The following PALLD variants were observed in gnomAD, a reference collection of about 807,000 sequenced individuals.
PALLD encodes the protein palladin.
In PALLD, 61 loss-of-function variants were observed where a neutral mutation model predicts 123.5. That is an observed-to-expected ratio of 0.49 (90% CI 0.40 to 0.61). The LOEUF is 0.61. Ranked by LOEUF, PALLD falls within the 20% of genes least tolerant of loss-of-function variation. The probability of loss-of-function intolerance (pLI) is 0.00; values close to 1 mark genes in which losing one functional copy is unlikely to be tolerated. For missense variants in PALLD, 1,273 were observed against 1,377.0 expected (o/e 0.92, Z 1.20); for synonymous variants, 465 against 496.4 (o/e 0.94, Z 0.84).
chr4:168,887,819 G>GAGAA (rs1753575013), intron 10 of PALLD, among the ~76,000 whole-genome samples: 1 of 97,424 alleles, frequency 1.0e-5, no homozygotes. Flanking sequence ...TTTCTTGACT[G>GAGAA]AGGAAGGGAG....
At chr4:168,688,780 A>G (rs1362890335) in intron 6 of PALLD, among the ~76,000 whole-genome samples, 1 of 145,480 alleles carries the variant, frequency 6.9e-6, no homozygotes, top group Non-Finnish European at 1.5e-5. Context: ...TCCGACACTG[A>G]AAAAAAAAAA....
At chr4:168,913,850 T>A in intron 15 of PALLD, 77 bp from the exon 16 acceptor site, 1 of 946,950 alleles carries the variant, frequency 1.1e-6, no homozygotes, top group East Asian at 2.4e-5. Flanking sequence ...TTATAGAGAA[T>A]AGGACAGTAG....
intron 2 of PALLD, among the ~76,000 whole-genome samples, chr4:168,552,640 T>C (rs140083226): frequency 6.6e-6 from 1 of 152,090 alleles, no homozygotes. Flanking sequence ...ATTTAATATG[T>C]GGGTTTTTTG....
At chr4:168,560,599 A>T (rs918967506) in intron 2 of PALLD, among the ~76,000 whole-genome samples, 6 of 152,248 alleles carry the variant, frequency 3.9e-5, no homozygotes, top group African/African-American at 1.4e-4. Flanking sequence ...AGTGATTCAT[A>T]GCACTTTCCC....
intron 2 of PALLD, among the ~76,000 whole-genome samples, chr4:168,609,732 C>T (rs896278383): frequency 1.2e-4 from 18 of 152,124 alleles, no homozygotes; most frequent in African/African-American, 2.9e-4. Context: ...GGACCCAAGA[C>T]GCATCTCATA....
intron 9 of PALLD, 118 bp downstream of exon 9, chr4:168,709,265 T>C: frequency 9.6e-7 from 1 of 1,045,112 alleles, no homozygotes; most frequent in Non-Finnish European, 1.4e-6. Flanking sequence ...ATCCCAGCAC[T>C]TTGGGAGGCC....
chr4:168,657,402 C>G (rs1778689875), intron 2 of PALLD, among the ~76,000 whole-genome samples: 1 of 152,162 alleles, frequency 6.6e-6, no homozygotes, highest in Non-Finnish European at 1.5e-5. Context: ...TAGTCTTAGC[C>G]CATTCCTTGC....
chr4:168,918,913 G>A (rs565083771), intron 17 of PALLD, among the ~76,000 whole-genome samples: 5 of 151,984 alleles, frequency 3.3e-5, no homozygotes, highest in Admixed American at 6.5e-5. Flanking sequence ...TTAATTTTAC[G>A]TGTAAAATGG....
chr4:168,908,556 G>A (rs1758285534), intron 15 of PALLD, among the ~76,000 whole-genome samples: 1 of 152,260 alleles, frequency 6.6e-6, no homozygotes, highest in Non-Finnish European at 1.5e-5. Context: ...AGCATAAAGT[G>A]TAGTTGACAG....
chr4:168,538,585 G>T (rs10023820), intron 2 of PALLD, among the ~76,000 whole-genome samples: 53,493 of 151,802 alleles, frequency 0.35, 10,469 homozygotes, highest in African/African-American at 0.53. Context: ...TCTGTGACAG[G>T]TCATTCCAGA....
intron 1 of PALLD, among the ~76,000 whole-genome samples, chr4:168,500,528 T>C (rs985960487): frequency 6.6e-6 from 1 of 152,078 alleles, no homozygotes; most frequent in African/African-American, 2.4e-5. Context: ...CACACTCAGC[T>C]AAGTTTTTGG....
At position 168,632,807 on chromosome 4, in the gene PALLD, A is replaced by G. The variant is rs188270915; in HGVS notation, c.909-35383A>G. Reference sequence around the variant, plus strand: ...ATTATTTAATCCAGAAGTAACCAGCATGACTTTTACAGAGAGAGTTCCCCT... The same window carrying G: ...ATTATTTAATCCAGAAGTAACCAGCGTGACTTTTACAGAGAGAGTTCCCCT... On this transcript the variant is annotated intron_variant, in intron 2 of 21. Transcript: ENST00000505667. Among the ~76,000 whole-genome samples, 20 of 152,356 alleles carry G rather than the reference A, an allele frequency of 1.3e-4. No individual in the cohort carries two copies. The East Asian group carries it at 3.3e-3, about 25-fold the overall frequency.
chr4:168,815,232 A>G (rs1169240541), intron 10 of PALLD, among the ~76,000 whole-genome samples: 1 of 152,266 alleles, frequency 6.6e-6, no homozygotes, highest in Non-Finnish European at 1.5e-5. Flanking sequence ...ATACACTAGC[A>G]TCATTTTCTT....
rs751698385 is a variant in PALLD, at chr4:168,690,724, A to G, written c.1457A>G (p.Asp486Gly). ...RQGSEIQDSP[D>G]FRILQKKPRS... is the part of the protein sequence containing the mutation. ...GGGAGTGAAATCCAAGACTCTCCAG[A>G]TTTCCGAATTCTACAGAAAAGTAAG... Residue 486 changes from aspartate (D) to glycine (G), a missense_variant, in exon 7 of 22, where the codon GAT (aspartate) becomes GGT (glycine). Asp to Gly is a moderately conservative substitution (Grantham distance 94). Around this residue, in one of 2 missense-constraint regions of PALLD, gnomAD observed 944 missense variants for 954.5 expected, o/e 0.99. Transcript: ENST00000505667. The G allele has an allele frequency of 6.8e-6, 11 of 1,614,174 alleles. No homozygotes were observed. In the South Asian group the frequency reaches 1.2e-4, roughly 18 times the overall value.
At chr4:168,759,195 AAAAAAAAATATATATATATATAT>A (rs1732393683) in intron 10 of PALLD, among the ~76,000 whole-genome samples, 1 of 32,790 alleles carries the variant, frequency 3.0e-5, no homozygotes, top group Non-Finnish European at 5.9e-5. Flanking sequence ...AAAAAAAAAA[AAAAAAAAATATATATATATATAT>A]ATATATATAT....
chr4:168,755,031 G>A (rs1459380623), intron 10 of PALLD, among the ~76,000 whole-genome samples: 3 of 152,150 alleles, frequency 2.0e-5, no homozygotes, highest in African/African-American at 7.2e-5. Context: ...AGGAGATCGA[G>A]ACCATCCTGG....
At chr4:168,848,935 G>A (rs1279374696) in intron 10 of PALLD, among the ~76,000 whole-genome samples, 1 of 152,138 alleles carries the variant, frequency 6.6e-6, no homozygotes, top group African/African-American at 2.4e-5. Flanking sequence ...TCCCTAAAAT[G>A]CAACACGAGA....
intron 10 of PALLD, among the ~76,000 whole-genome samples, chr4:168,868,156 C>A (rs1227574774): frequency 1.3e-5 from 2 of 152,166 alleles, no homozygotes; most frequent in Non-Finnish European, 2.9e-5. Context: ...CAGGGAAAGG[C>A]CCTGCTTGGC....
At chr4:168,837,104 C>T (rs1305147530) in intron 10 of PALLD, among the ~76,000 whole-genome samples, 1 of 152,058 alleles carries the variant, frequency 6.6e-6, no homozygotes. Flanking sequence ...TAACAGAGAC[C>T]CCACCCTGGA....
Sources: allele counts gnomAD v4.1 joint callset (sites outside exome capture counted in the v4.1 genomes callset), GRCh38; gene constraint gnomAD v4.1.1; regional missense constraint gnomAD v4.1.1; transcripts MANE v1.5; gene names NCBI Gene and HGNC (gene_info 2026-07-23, HGNC 2026-07-21).